COLEC10: variants seen among roughly 807,000 people sequenced by gnomAD.
COLEC10 encodes collectin subfamily member 10.
COLEC10 carries 22 observed loss-of-function variants against 28.4 expected under a neutral mutation model. The observed-to-expected ratio is 0.78, with a 90% CI of 0.55 to 1.11. The LOEUF is 1.11. COLEC10 is among the 50% of genes least tolerant of loss of function. The pLI is 0.00. For synonymous variants in COLEC10, 125 were observed against 116.1 expected (o/e 1.08, Z -0.49); for missense variants, 361 against 344.1 (o/e 1.05, Z -0.39).
the COLEC10 span, among the ~76,000 whole-genome samples, chr8:118,965,098 A>G: frequency 0.36 from 54,428 of 152,024 alleles, 10,233 homozygotes; most frequent in East Asian, 0.49. Context: ...CAACTTCAAA[A>G]TACAGACAAC....
At chr8:119,059,762 CTTAG>C (rs1814821214) in intron 2 of COLEC10, among the ~76,000 whole-genome samples, 2 of 151,970 alleles carry the variant, frequency 1.3e-5, no homozygotes, top group African/African-American at 4.8e-5. Context: ...AGAACAAATG[CTTAG>C]TTAGTGGGTA....
chr8:118,976,882 T>G, the COLEC10 span, among the ~76,000 whole-genome samples: 1 of 151,856 alleles, frequency 6.6e-6, no homozygotes, highest in South Asian at 2.1e-4. Context: ...AAATCTACAA[T>G]GAACTCAAAC....
intron 2 of COLEC10, among the ~76,000 whole-genome samples, chr8:119,030,524 G>GT (rs1814269073): frequency 6.6e-6 from 1 of 152,050 alleles, no homozygotes; most frequent in African/African-American, 2.4e-5. Context: ...GTACTTTGCA[G>GT]TGGCTTGCTC....
chr8:119,024,095 A>C (rs1015835917), intron 2 of COLEC10, among the ~76,000 whole-genome samples: 11 of 152,118 alleles, frequency 7.2e-5, no homozygotes, highest in African/African-American at 1.9e-4. Flanking sequence ...TCAGTCTTTC[A>C]TTCAGAAAAA....
chr8:119,069,816 T>C (rs1815067030), intron 1 of COLEC10, among the ~76,000 whole-genome samples: 1 of 151,336 alleles, frequency 6.6e-6, no homozygotes, highest in Non-Finnish European at 1.5e-5. Context: ...GTTATTACTG[T>C]TTTTTCAATA....
In COLEC10 at chr8:119,089,734, G is replaced by A. The variant is rs367991953; in HGVS notation, c.203G>A (p.Gly68Glu). The change falls in exon 2 of 6, where the codon GGA (glycine) becomes GAA (glutamate). Residue 68 changes from glycine (G) to glutamate (E), a missense_variant. Transcript: ENST00000332843. ...GAAGAGGGAAAGCATGGCAAAGTGG[G>A]ACGCATGGGGCCGAAAGGTAACTAA... ...PGEEGKHGKV[G>E]RMGPKGIKGE... The A allele has an allele frequency of 6.2e-7, 1 of 1,613,450 alleles. No homozygotes were observed. The highest frequency in any genetic ancestry group is 8.5e-7 in the Non-Finnish European group (1 of 1,179,612).
At chr8:119,086,634 C>G (rs1281927143) in intron 1 of COLEC10, among the ~76,000 whole-genome samples, 4 of 152,136 alleles carry the variant, frequency 2.6e-5, no homozygotes, top group African/African-American at 7.2e-5. Context: ...CAGTAGATCA[C>G]TAAGTCACTC....
chr8:118,987,097 G>A, the COLEC10 span, among the ~76,000 whole-genome samples: 588 of 152,162 alleles, frequency 3.9e-3, 6 homozygotes, highest in Admixed American at 0.035. Context: ...ACTTTGTCTC[G>A]TCTCTGAGAG....
chr8:118,976,440 A>T, the COLEC10 span: 2 of 152,110 alleles, frequency 1.3e-5, no homozygotes, highest in African/African-American at 4.8e-5. Context: ...AGCCAGAGAA[A>T]TTGTAATGTG....
chr8:119,034,613 G>A (rs542761279), intron 2 of COLEC10, among the ~76,000 whole-genome samples: 1 of 152,246 alleles, frequency 6.6e-6, no homozygotes, highest in East Asian at 1.9e-4. Flanking sequence ...GGGAGGCTGA[G>A]GCAGAGAATT....
At chr8:118,966,294 T>C in the COLEC10 span, among the ~76,000 whole-genome samples, 2 of 152,180 alleles carry the variant, frequency 1.3e-5, no homozygotes, top group Admixed American at 1.3e-4. Context: ...ATCAACTATA[T>C]ACAAACCAGA....
intron 2 of COLEC10, among the ~76,000 whole-genome samples, chr8:119,039,094 C>A (rs1032387517): frequency 3.9e-5 from 6 of 152,136 alleles, no homozygotes; most frequent in Non-Finnish European, 8.8e-5. Context: ...ACAGCCCCAT[C>A]TCTCACCATG....
At chr8:119,086,985 A>G (rs890781527) in intron 1 of COLEC10, among the ~76,000 whole-genome samples, 1 of 152,190 alleles carries the variant, frequency 6.6e-6, no homozygotes, top group African/African-American at 2.4e-5. Flanking sequence ...CTTGGATGTT[A>G]CTTAACCTCT....
At chr8:119,069,839 G>A (rs1815067541) in intron 1 of COLEC10, among the ~76,000 whole-genome samples, 1 of 151,324 alleles carries the variant, frequency 6.6e-6, no homozygotes, top group South Asian at 2.1e-4. Context: ...TTTCCCCTAA[G>A]ATCAAGCTAG....
At chr8:118,978,085 G>A in the COLEC10 span, among the ~76,000 whole-genome samples, 1 of 152,100 alleles carries the variant, frequency 6.6e-6, no homozygotes, top group Non-Finnish European at 1.5e-5. Context: ...GAATGGAGGA[G>A]ACTCATACCA....
chr8:118,997,974 T>C (rs1415662817), intron 1 of COLEC10, among the ~76,000 whole-genome samples: 6 of 152,196 alleles, frequency 3.9e-5, no homozygotes, highest in Non-Finnish European at 8.8e-5. Flanking sequence ...TTGTACTCCA[T>C]TAAGGTGGCA....
At chr8:119,002,492 C>T (rs1217483476) in intron 1 of COLEC10, among the ~76,000 whole-genome samples, 1 of 151,974 alleles carries the variant, frequency 6.6e-6, no homozygotes, top group Non-Finnish European at 1.5e-5. Context: ...ATAATATTTG[C>T]CCTCAAAAGA....
chr8:119,040,314 C>A (rs971127549), intron 2 of COLEC10, among the ~76,000 whole-genome samples: 4 of 152,012 alleles, frequency 2.6e-5, no homozygotes, highest in African/African-American at 9.7e-5. Context: ...TTTTTCGTGA[C>A]CTATCAAGGC....
the COLEC10 span, among the ~76,000 whole-genome samples, chr8:118,970,236 A>C: frequency 6.6e-6 from 1 of 152,056 alleles, no homozygotes; most frequent in African/African-American, 2.4e-5. Flanking sequence ...TTTAAGGAGT[A>C]GCAAATTATT....
Sources: gnomAD v4.1 joint callset for allele counts (sites outside exome capture counted in the v4.1 genomes callset) on GRCh38, gnomAD v4.1.1 for gene constraint, MANE v1.5 for transcripts, NCBI Gene and HGNC (gene_info 2026-07-23, HGNC 2026-07-21) for gene names.